The following MYO18B variants were observed in gnomAD, a reference collection of about 807,000 sequenced individuals.
The protein encoded by MYO18B is myosin XVIIIB, also known as unconventional myosin-XVIIIb.
A neutral mutation model predicts 273.0 loss-of-function variants in MYO18B; 204 were observed. The observed-to-expected ratio is 0.75, with a 90% CI of 0.67 to 0.84. The LOEUF (loss-of-function observed/expected upper bound fraction) is 0.84, where lower values mean the gene tolerates loss of function less well. MYO18B is among the 40% of genes least tolerant of loss of function. The pLI, the probability that MYO18B is intolerant of heterozygous loss-of-function variation, is 0.00. For missense variants in MYO18B, 3,212 were observed against 3,287.6 expected (o/e 0.98, Z 0.56); for synonymous variants, 1,330 against 1,305.7 (o/e 1.02, Z -0.40).
At chr22:25,757,586 CAA>C (rs1047600673) in intron 1 of MYO18B, among the ~76,000 whole-genome samples, 4 of 137,712 alleles carry the variant, frequency 2.9e-5, no homozygotes, top group Admixed American at 7.2e-5. Context: ...GACTGCATAT[CAA>C]AAAAAAAAAA....
chr22:25,939,021 C>T (rs1363490579), intron 34 of MYO18B, among the ~76,000 whole-genome samples: 1 of 152,190 alleles, frequency 6.6e-6, no homozygotes, highest in African/African-American at 2.4e-5. Flanking sequence ...AGCTATGGTG[C>T]CTAGGCTGGT....
chr22:25,950,561 T>C (rs1291309026), intron 37 of MYO18B, 111 bp downstream of exon 37: 24 of 704,266 alleles, frequency 3.4e-5, no homozygotes, highest in Non-Finnish European at 5.2e-5. Context: ...TATGAGTTTA[T>C]TGTTTGTTTA....
At chr22:25,817,740 A>G (rs769860074) in intron 12 of MYO18B, among the ~76,000 whole-genome samples, 2 of 152,238 alleles carry the variant, frequency 1.3e-5, no homozygotes, top group Non-Finnish European at 2.9e-5. Context: ...TTCATAAGAT[A>G]TACTTTAAAG....
At chr22:25,913,394 C>T (rs1465413363) in intron 33 of MYO18B, among the ~76,000 whole-genome samples, 4 of 151,604 alleles carry the variant, frequency 2.6e-5, no homozygotes, top group Admixed American at 1.3e-4. Context: ...GACGGAGTCT[C>T]GCTCTGCCTC....
intron 12 of MYO18B, among the ~76,000 whole-genome samples, chr22:25,799,120 G>A (rs2088063489): frequency 1.0e-5 from 1 of 96,720 alleles, no homozygotes; most frequent in Non-Finnish European, 2.2e-5. Flanking sequence ...CACCTTATGC[G>A]GTGTTTACGT....
At chr22:25,903,286 C>A in intron 30 of MYO18B, 1 of 255,994 alleles carries the variant, frequency 3.9e-6, no homozygotes, top group Non-Finnish European at 7.5e-6. Context: ...ACATCTCAAT[C>A]CCAGCCTCAG....
intron 40 of MYO18B, among the ~76,000 whole-genome samples, chr22:25,994,045 C>T (rs1020828454): frequency 2.6e-5 from 4 of 152,136 alleles, no homozygotes; most frequent in Admixed American, 6.5e-5. Context: ...TTTTAGAATG[C>T]GCATAACCTC....
intron 40 of MYO18B, among the ~76,000 whole-genome samples, chr22:26,001,865 A>G (rs980892265): frequency 1.3e-5 from 2 of 152,196 alleles, no homozygotes; most frequent in African/African-American, 4.8e-5. Context: ...GTAAATAGTA[A>G]ACAAGAACTA....
chr22:25,771,951 C>T (rs2086735475), intron 6 of MYO18B, among the ~76,000 whole-genome samples: 1 of 152,182 alleles, frequency 6.6e-6, no homozygotes, highest in Non-Finnish European at 1.5e-5. Flanking sequence ...CCTCGTAAGA[C>T]CCAGAAGAGG....
chr22:25,808,706 G>A, intron 12 of MYO18B, among the ~76,000 whole-genome samples: 1 of 152,126 alleles, frequency 6.6e-6, no homozygotes, highest in East Asian at 1.9e-4. Context: ...GCTGACCAGT[G>A]TTCAACCCTG....
Position 26,028,887 on chromosome 22 carries a change from CAA to C in MYO18B, c.*12+1218_*12+1219del, listed in dbSNP as rs554144546. ...TGGGCGACAGAGCGAGACTCCGTCT[CAA>C]AAAAAAAAAAAAAAAAAAAATTCAT... On this transcript the variant is annotated intron_variant, in intron 43 of 43. Coordinates refer to ENST00000335473, the MANE Select transcript of MYO18B (RefSeq NM_032608.7). 2.4e-3 allele frequency among the ~76,000 whole-genome samples: 178 copies of C among 75,652 alleles called. 1 individual carries two copies. Among genetic ancestry groups the C allele is most frequent in the African/African-American group, 5.4e-3 (121 of 22,376 alleles). The allele number at this position is 75,652 out of a possible 152,430, so 49.6% of individuals were successfully genotyped here. A position where few individuals can be genotyped will look rare whatever the true frequency, so the allele number is the denominator to read the frequency against.
intron 11 of MYO18B, among the ~76,000 whole-genome samples, chr22:25,789,097 TCTTC>T (rs1226890053): frequency 1.3e-3 from 37 of 29,028 alleles, no homozygotes; most frequent in African/African-American, 2.0e-3. Context: ...TCCTCCTTCT[TCTTC>T]CTCCTCCTCC....
At chr22:25,905,606 A>G (rs1601536105) in intron 31 of MYO18B, among the ~76,000 whole-genome samples, 1 of 152,166 alleles carries the variant, frequency 6.6e-6, no homozygotes, top group African/African-American at 2.4e-5. Flanking sequence ...TAGGCAGGGG[A>G]CCAGCCTGTG....
At chr22:25,793,696 G>T (rs141681357) in intron 11 of MYO18B, among the ~76,000 whole-genome samples, 2 of 152,126 alleles carry the variant, frequency 1.3e-5, no homozygotes, top group Non-Finnish European at 2.9e-5. Context: ...TCTCCTGGGC[G>T]CTCTAAGCCC....
intron 15 of MYO18B, among the ~76,000 whole-genome samples, chr22:25,832,132 T>C (rs2089729443): frequency 6.6e-6 from 1 of 152,086 alleles, no homozygotes. Flanking sequence ...GTGGAGAAAC[T>C]TGAACCCTTG....
chr22:25,791,774 G>A (rs1569025015), intron 11 of MYO18B, among the ~76,000 whole-genome samples: 2 of 152,098 alleles, frequency 1.3e-5, no homozygotes, highest in African/African-American at 4.8e-5. Context: ...GAAGGATGAG[G>A]GATCACTCAC....
At chr22:25,976,964 T>G (rs1464948648) in intron 39 of MYO18B, among the ~76,000 whole-genome samples, 1 of 152,184 alleles carries the variant, frequency 6.6e-6, no homozygotes, top group Non-Finnish European at 1.5e-5. Context: ...GATAATTATC[T>G]CCTATGCATT....
chr22:26,022,415 G>T (rs1006019613), intron 42 of MYO18B, among the ~76,000 whole-genome samples: 3 of 152,090 alleles, frequency 2.0e-5, no homozygotes, highest in Non-Finnish European at 4.4e-5. Context: ...CCTACAAAAC[G>T]GCATCTGAAT....
chr22:26,058,534 A>G, the MYO18B span, among the ~76,000 whole-genome samples: 1,268 of 152,296 alleles, frequency 8.3e-3, 19 homozygotes, highest in African/African-American at 0.028. Flanking sequence ...CTCAAATTTC[A>G]TGTTGAGTTT....
Sources: allele counts gnomAD v4.1 joint callset (sites outside exome capture counted in the v4.1 genomes callset), GRCh38; gene constraint gnomAD v4.1.1; transcripts MANE v1.5; gene names NCBI Gene and HGNC (gene_info 2026-07-23, HGNC 2026-07-21).